NPY2R: variants seen among roughly 807,000 people sequenced by gnomAD.
NPY2R encodes neuropeptide Y receptor type 2.
Under a neutral mutation model 22.3 loss-of-function variants are expected in NPY2R, and 17 were observed. The ratio of observed to expected loss-of-function variants is 0.76; its 90% CI spans 0.52 to 1.14. The LOEUF (loss-of-function observed/expected upper bound fraction) is 1.14, where lower values mean the gene tolerates loss of function less well. Ranked by LOEUF, NPY2R falls within the 50% of genes most tolerant of loss-of-function variation. The probability of loss-of-function intolerance (pLI) is 0.00; values close to 1 mark genes in which losing one functional copy is unlikely to be tolerated. For synonymous variants in NPY2R, 209 were observed against 183.4 expected, an observed-to-expected ratio of 1.14 and a Z score of -1.13; for missense variants, 424 against 467.9, an observed-to-expected ratio of 0.91 and a Z score of 0.87.
At chr4:155,188,443 T>C in the NPY2R span, among the ~76,000 whole-genome samples, 2 of 152,166 alleles carry the variant, frequency 1.3e-5, no homozygotes, top group African/African-American at 4.8e-5. Context: ...AGATGGTTCC[T>C]GATTTCCCCT....
At chr4:155,211,295 G>C (rs10461239) in intron 1 of NPY2R, among the ~76,000 whole-genome samples, 17,453 of 152,132 alleles carry the variant, frequency 0.11, 1,619 homozygotes, top group East Asian at 0.49. Context: ...CAGTCACAAC[G>C]TGGCATGTGG....
At chr4:155,200,691 AT>A in the NPY2R span, among the ~76,000 whole-genome samples, 64,227 of 151,866 alleles carry the variant, frequency 0.42, 14,933 homozygotes, top group African/African-American at 0.62. Context: ...GAATGAAATC[AT>A]GTCCTTTGCA....
At chr4:155,181,965 A>G in the NPY2R span, among the ~76,000 whole-genome samples, 1 of 152,178 alleles carries the variant, frequency 6.6e-6, no homozygotes, top group East Asian at 1.9e-4. Flanking sequence ...GGAATGTCCC[A>G]GTGGAAGGAA....
chr4:155,214,842 G>A lies in NPY2R; in HGVS notation c.903G>A (p.Lys301=), dbSNP rs1372991636. Residue 301 remains lysine (K), a synonymous_variant, in exon 2 of 2, where the codon AAG becomes AAA. Transcript: ENST00000329476. ...TTGACAGCCAGGTCCTGGACCTGAA[G>A]GAGTACAAACTCATCTTCACAGTGT... is the stretch of plus-strand genomic sequence containing the variant. ...VDIDSQVLDL[K]EYKLIFTVFH... 6.2e-6 allele frequency: 10 copies of A among 1,610,206 alleles called. No individual in the cohort carries two copies. The highest frequency in any genetic ancestry group is 7.6e-6 in the Non-Finnish European group (9 of 1,177,592).
chr4:155,205,846 TATCTATC>T (rs1729274476), upstream of NPY2R, among the ~76,000 whole-genome samples: 1 of 151,690 alleles, frequency 6.6e-6, no homozygotes, highest in African/African-American at 2.4e-5. Flanking sequence ...TCTATCTATC[TATCTATC>T]TATGATTTCT....
the NPY2R span, among the ~76,000 whole-genome samples, chr4:155,181,219 G>A: frequency 6.6e-6 from 1 of 152,140 alleles, no homozygotes; most frequent in Non-Finnish European, 1.5e-5. Context: ...GTGAGGAACT[G>A]CCCTGATACT....
chr4:155,209,915 A>G (rs1236755243), intron 1 of NPY2R, among the ~76,000 whole-genome samples: 2 of 152,146 alleles, frequency 1.3e-5, no homozygotes, highest in Non-Finnish European at 2.9e-5. Flanking sequence ...TGACTCAAAT[A>G]ACTTGAGGTT....
At chr4:155,203,882 T>C (rs12640663), upstream of NPY2R, among the ~76,000 whole-genome samples, 71,739 of 151,662 alleles carry the variant, frequency 0.47, 17,891 homozygotes, top group African/African-American at 0.64. Context: ...AACTCATTAG[T>C]CTTTGTTTGT....
At chr4:155,182,677 A>C in the NPY2R span, among the ~76,000 whole-genome samples, 1 of 152,164 alleles carries the variant, frequency 6.6e-6, no homozygotes, top group African/African-American at 2.4e-5. Flanking sequence ...GATTTTGACC[A>C]AGAATTATTA....
At chr4:155,212,713 C>T (rs1729431868) in intron 1 of NPY2R, among the ~76,000 whole-genome samples, 5 of 152,102 alleles carry the variant, frequency 3.3e-5, no homozygotes, top group Admixed American at 3.3e-4. Context: ...AAGAATAAAA[C>T]CAATGTTGTA....
chr4:155,208,030 C>T (rs6857715), upstream of NPY2R: 74,980 of 152,184 alleles, frequency 0.49, 20,038 homozygotes, highest in African/African-American at 0.72. The surrounding 1 kb of genome is among the most constrained non-coding windows in gnomAD (Gnocchi z 5.6). Flanking sequence ...TTTACCTTCT[C>T]GTTTGGAGCA....
the NPY2R span, among the ~76,000 whole-genome samples, chr4:155,184,191 C>A: frequency 6.8e-6 from 1 of 146,972 alleles, no homozygotes; most frequent in African/African-American, 2.6e-5. Flanking sequence ...TAAGAAGAAC[C>A]CTCTCTTGAC....
chr4:155,192,089 A>C, the NPY2R span, among the ~76,000 whole-genome samples: 1 of 151,840 alleles, frequency 6.6e-6, no homozygotes, highest in Non-Finnish European at 1.5e-5. Flanking sequence ...TCTGTAAGGT[A>C]GGGGTATCAG....
At chr4:155,200,243 G>C in the NPY2R span, among the ~76,000 whole-genome samples, 2 of 151,690 alleles carry the variant, frequency 1.3e-5, no homozygotes, top group African/African-American at 4.8e-5. Flanking sequence ...CAAACATATG[G>C]GGAAAAAAAG....
chr4:155,174,778 A>G, the NPY2R span, among the ~76,000 whole-genome samples: 3 of 151,978 alleles, frequency 2.0e-5, no homozygotes, highest in Admixed American at 2.0e-4. Flanking sequence ...AGTTCAGGAA[A>G]GAAAGGATGT....
chr4:155,213,823 CTTTGTG>C, intron 1 of NPY2R, 63 bp from the exon 2 acceptor site: 1 of 876,216 alleles, frequency 1.1e-6, no homozygotes, highest in South Asian at 1.4e-5. Context: ...TTTGCTTCAC[CTTTGTG>C]TTTTCCTCGT....
chr4:155,189,038 A>G, the NPY2R span, among the ~76,000 whole-genome samples: 1 of 152,086 alleles, frequency 6.6e-6, no homozygotes, highest in Non-Finnish European at 1.5e-5. Context: ...GAGCTTTTTT[A>G]AAGCACTTCA....
At chr4:155,205,854 T>TATCTATCTATGA (rs1553956836), upstream of NPY2R, among the ~76,000 whole-genome samples, 1 of 150,460 alleles carries the variant, frequency 6.6e-6, no homozygotes, top group Non-Finnish European at 1.5e-5. Flanking sequence ...TCTATCTATC[T>TATCTATCTATGA]ATGATTTCTT....
the NPY2R span, among the ~76,000 whole-genome samples, chr4:155,202,889 A>T: frequency 1.8e-4 from 28 of 152,162 alleles, no homozygotes; most frequent in Non-Finnish European, 3.5e-4. Flanking sequence ...TTTCCTCTTT[A>T]GCCATGGGTC....
Sources: gnomAD v4.1 joint callset for allele counts (sites outside exome capture counted in the v4.1 genomes callset) on GRCh38, gnomAD v4.1.1 for gene constraint, Gnocchi (gnomAD v3.1) non-coding constraint, MANE v1.5 for transcripts, NCBI Gene and HGNC (gene_info 2026-07-23, HGNC 2026-07-21) for gene names.